PTPRK: variants seen among roughly 807,000 people sequenced by gnomAD.
The protein encoded by PTPRK is protein tyrosine phosphatase receptor type K, also known as receptor-type tyrosine-protein phosphatase kappa.
A neutral mutation model predicts 178.0 loss-of-function variants in PTPRK; 75 were observed. The ratio of observed to expected loss-of-function variants is 0.42; its 90% CI spans 0.35 to 0.51. The LOEUF (loss-of-function observed/expected upper bound fraction) is 0.51. Among genes scored for constraint, PTPRK ranks in the 20% least tolerant of loss-of-function variants. The pLI is 0.02. For missense variants in PTPRK, 1,441 were observed against 1,797.8 expected (o/e 0.80, Z 3.59); for synonymous variants, 637 against 620.6 (o/e 1.03, Z -0.39).
intron 13 of PTPRK, among the ~76,000 whole-genome samples, chr6:128,011,060 T>A (rs1002116106): frequency 1.3e-5 from 2 of 151,206 alleles, no homozygotes; most frequent in Non-Finnish European, 3.0e-5. Flanking sequence ...TCTCTATATA[T>A]GTAGATATTG....
intron 2 of PTPRK, among the ~76,000 whole-genome samples, chr6:128,331,630 T>C (rs1448626069): frequency 1.3e-5 from 2 of 152,336 alleles, no homozygotes; most frequent in African/African-American, 4.8e-5. Flanking sequence ...TTTTACATTC[T>C]ATTACTTCTT....
chr6:128,051,211 A>G (rs1204074863), intron 13 of PTPRK, among the ~76,000 whole-genome samples: 1 of 152,148 alleles, frequency 6.6e-6, no homozygotes, highest in Non-Finnish European at 1.5e-5. Flanking sequence ...TATATATTCA[A>G]TATTTTTTGC....
At chr6:128,451,982 C>T (rs1159178127) in intron 1 of PTPRK, among the ~76,000 whole-genome samples, 1 of 152,140 alleles carries the variant, frequency 6.6e-6, no homozygotes, top group African/African-American at 2.4e-5. Flanking sequence ...ATGCCAAGCA[C>T]CATGTTTATT....
At chr6:128,512,133 A>G (rs893585952) in intron 1 of PTPRK, among the ~76,000 whole-genome samples, 16 of 152,350 alleles carry the variant, frequency 1.1e-4, no homozygotes, top group Non-Finnish European at 2.1e-4. Context: ...GTGCCCTCTC[A>G]GAGTCTCTCC....
At chr6:128,395,128 G>A (rs867213963) in intron 2 of PTPRK, among the ~76,000 whole-genome samples, 1 of 152,070 alleles carries the variant, frequency 6.6e-6, no homozygotes. Flanking sequence ...ACCAATTTAT[G>A]AGCAAGGAAT....
chr6:128,111,129 A>G (rs2114335336), intron 7 of PTPRK, among the ~76,000 whole-genome samples: 1 of 152,354 alleles, frequency 6.6e-6, no homozygotes, highest in African/African-American at 2.4e-5. Context: ...AAATGCATCC[A>G]CTGCTATAAC....
intron 7 of PTPRK, among the ~76,000 whole-genome samples, chr6:128,148,365 C>T (rs1200464140): frequency 6.6e-6 from 1 of 152,036 alleles, no homozygotes; most frequent in Non-Finnish European, 1.5e-5. Context: ...ATGTACTTAG[C>T]ATATATTATG....
intron 7 of PTPRK, among the ~76,000 whole-genome samples, chr6:128,144,845 G>A (rs565554032): frequency 6.6e-5 from 10 of 152,092 alleles, no homozygotes; most frequent in Non-Finnish European, 1.5e-4. Flanking sequence ...GGTTTCTGGA[G>A]AACTGCAAAA....
chr6:127,970,853 T>C (rs1583452492), intron 29 of PTPRK, among the ~76,000 whole-genome samples: 2 of 152,156 alleles, frequency 1.3e-5, no homozygotes, highest in Admixed American at 6.5e-5. Flanking sequence ...AAATCAAATA[T>C]ATGTATTGTT....
At chr6:128,057,735 G>A (rs1361953389) in intron 13 of PTPRK, among the ~76,000 whole-genome samples, 1 of 152,080 alleles carries the variant, frequency 6.6e-6, no homozygotes, top group African/African-American at 2.4e-5. Context: ...GTAGCCATGA[G>A]AACAGGACAA....
At chr6:128,005,970 A>G in intron 14 of PTPRK, 2 of 1,315,064 alleles carry the variant, frequency 1.5e-6, no homozygotes, top group Non-Finnish European at 2.1e-6. Context: ...GTTTTTGAAA[A>G]GGGATACTGC....
intron 5 of PTPRK, chr6:128,238,185 C>CAAAAAAAAAAAAAAAAAAAAAAAAAGA: frequency 4.9e-6 from 1 of 203,784 alleles, no homozygotes; most frequent in South Asian, 2.9e-5. Flanking sequence ...TAGCAAACGC[C>CAAAAAAAAAAAAAAAAAAAAAAAAAGA]AAAAAAAAAA....
At chr6:127,979,208 T>G (rs1311463785) in intron 25 of PTPRK, among the ~76,000 whole-genome samples, 1 of 151,962 alleles carries the variant, frequency 6.6e-6, no homozygotes, top group Non-Finnish European at 1.5e-5. Context: ...CCCAGGAGAT[T>G]GAGGCTGCAG....
intron 5 of PTPRK, among the ~76,000 whole-genome samples, chr6:128,235,803 G>T (rs1048910788): frequency 6.6e-6 from 1 of 151,786 alleles, no homozygotes; most frequent in African/African-American, 2.4e-5. Flanking sequence ...CTGACATATT[G>T]TCAGAAGGAC....
At chr6:128,269,519 T>TA (rs1819469149) in intron 3 of PTPRK, among the ~76,000 whole-genome samples, 4 of 148,622 alleles carry the variant, frequency 2.7e-5, no homozygotes, top group Admixed American at 6.7e-5. Flanking sequence ...AAAAATAAAT[T>TA]TAAAAAAAAA....
chr6:128,354,231 G>GTTTTTTTGTTTTTTT (rs1833612554), intron 2 of PTPRK, among the ~76,000 whole-genome samples: 4 of 49,356 alleles, frequency 8.1e-5, no homozygotes, highest in Non-Finnish European at 1.3e-4. Context: ...TTTTGTTTAT[G>GTTTTTTTGTTTTTTT]TTTTTTTTTT....
intron 25 of PTPRK, among the ~76,000 whole-genome samples, chr6:127,980,297 C>T (rs530642097): frequency 2.0e-5 from 3 of 151,114 alleles, no homozygotes; most frequent in Admixed American, 1.3e-4. Flanking sequence ...GCAACAAGAG[C>T]GAAACTCTGT....
intron 1 of PTPRK, among the ~76,000 whole-genome samples, chr6:128,403,911 A>G (rs1023443595): frequency 3.3e-5 from 5 of 152,212 alleles, no homozygotes; most frequent in Admixed American, 6.5e-5. Flanking sequence ...CATTTTTGTC[A>G]TAACTACAAA....
At chr6:128,358,221 T>C (rs1834214176) in intron 2 of PTPRK, among the ~76,000 whole-genome samples, 1 of 152,202 alleles carries the variant, frequency 6.6e-6, no homozygotes, top group Admixed American at 6.5e-5. Flanking sequence ...AACCACAATT[T>C]ACTATAATGG....
Sources: allele counts gnomAD v4.1 joint callset (sites outside exome capture counted in the v4.1 genomes callset), GRCh38; gene constraint gnomAD v4.1.1; transcripts MANE v1.5; gene names NCBI Gene and HGNC (gene_info 2026-07-23, HGNC 2026-07-21).